The following CDH2 variants were observed in gnomAD, a reference collection of about 807,000 sequenced individuals.
CDH2 encodes cadherin-2.
Under a neutral mutation model 92.0 loss-of-function variants are expected in CDH2, and 17 were observed. The ratio of observed to expected loss-of-function variants is 0.18; its 90% CI spans 0.13 to 0.28. CDH2 has a LOEUF of 0.28. Ranked by LOEUF, CDH2 falls within the 10% of genes least tolerant of loss-of-function variation. CDH2 has a pLI of 1.00. For synonymous variants in CDH2, 419 were observed against 415.9 expected (o/e 1.01, Z -0.09); for missense variants, 862 against 1,133.1 (o/e 0.76, Z 3.44).
At chr18:28,166,529 CAAAAA>C (rs1490428126) in intron 1 of CDH2, among the ~76,000 whole-genome samples, 1 of 151,692 alleles carries the variant, frequency 6.6e-6, no homozygotes, top group Non-Finnish European at 1.5e-5. Flanking sequence ...ATCTGTCAAA[CAAAAA>C]AAGATAGAAC....
At chr18:28,049,645 A>T (rs1385532294) in intron 2 of CDH2, among the ~76,000 whole-genome samples, 1 of 152,228 alleles carries the variant, frequency 6.6e-6, no homozygotes, top group Non-Finnish European at 1.5e-5. Context: ...TCACCACTGA[A>T]TAGTATCTAT....
intron 2 of CDH2, among the ~76,000 whole-genome samples, chr18:28,103,162 T>TTA (rs977845585): frequency 2.1e-5 from 3 of 145,450 alleles, no homozygotes; most frequent in South Asian, 2.1e-4. Flanking sequence ...ATAAACTCCT[T>TTA]TATATATATA....
chr18:28,051,183 T>C lies in CDH2; in HGVS notation c.173-37274A>G, dbSNP rs142925721. On this transcript the variant is annotated intron_variant, in intron 2 of 15. Transcript: ENST00000269141. ...TATTATATTATTGTTAATATTTCTG[T>C]TACACTTTTATCAGATATATTTCCT... Among the ~76,000 whole-genome samples, 281 of 152,328 alleles carry C rather than the reference T, an allele frequency of 1.8e-3. 1 individual carries two copies. The highest frequency in any genetic ancestry group is 6.3e-3 in the African/African-American group (260 of 41,582).
At chr18:28,016,220 T>A (rs1225119284) in intron 2 of CDH2, among the ~76,000 whole-genome samples, 1 of 152,242 alleles carries the variant, frequency 6.6e-6, no homozygotes, top group African/African-American at 2.4e-5. Flanking sequence ...TAATTTCATA[T>A]GAGTGGATCT....
intron 2 of CDH2, among the ~76,000 whole-genome samples, chr18:28,048,563 G>C (rs1599061517): frequency 6.6e-6 from 1 of 152,320 alleles, no homozygotes. Context: ...TGGGCACGGA[G>C]AGACTGGCAT....
intron 14 of CDH2, among the ~76,000 whole-genome samples, chr18:27,982,561 T>G (rs1599008284): frequency 6.6e-6 from 1 of 152,230 alleles, no homozygotes; most frequent in African/African-American, 2.4e-5. Context: ...TGGTAAATAC[T>G]TGGGGAATAA....
intron 2 of CDH2, among the ~76,000 whole-genome samples, chr18:28,125,724 C>T (rs1426822032): frequency 6.6e-6 from 1 of 152,092 alleles, no homozygotes; most frequent in Non-Finnish European, 1.5e-5. Context: ...CTCATGTATG[C>T]ACCCTAACAG....
Position 28,103,690 on chromosome 18 carries a change from C to T in CDH2, c.172+43983G>A, listed in dbSNP as rs563983653. Among the ~76,000 whole-genome samples the T allele has an allele frequency of 2.0e-3, 306 of 151,804 alleles. 1 individual carries two copies. Among genetic ancestry groups the T allele is most frequent in the African/African-American group, 6.9e-3 (286 of 41,396 alleles). ...TGAGAGGCCCCAGTGTGTGATGTTC[C>T]CCTCCCTGCATACATGTGTTCTCAT... On this transcript the variant is annotated intron_variant, in intron 2 of 15. Coordinates refer to ENST00000269141, the MANE Select transcript of CDH2 (RefSeq NM_001792.5).
At chr18:28,129,910 G>C (rs763053142) in intron 2 of CDH2, among the ~76,000 whole-genome samples, 13 of 152,062 alleles carry the variant, frequency 8.5e-5, no homozygotes, top group Non-Finnish European at 1.9e-4. Context: ...AGGACATCTA[G>C]AACTACATAA....
chr18:28,088,151 A>G (rs1283111283), intron 2 of CDH2, among the ~76,000 whole-genome samples: 1 of 152,244 alleles, frequency 6.6e-6, no homozygotes, highest in Non-Finnish European at 1.5e-5. Context: ...ACTAATTTAT[A>G]ACACTACATT....
intron 1 of CDH2, among the ~76,000 whole-genome samples, chr18:28,157,094 A>G (rs976096718): frequency 1.3e-5 from 2 of 152,212 alleles, no homozygotes; most frequent in African/African-American, 4.8e-5. Flanking sequence ...GGCTAATACT[A>G]TCATTAGATA....
Position 28,069,439 on chromosome 18 carries a change from A to C in CDH2, c.173-55530T>G, listed in dbSNP as rs562884993. The stretch of plus-strand genomic sequence containing the variant: ...ACCCTCCTCATTTTGAAGTCTTTCT[A>C]TAATAGTAATCCCATGTTTTGTTTC... On this transcript the variant is annotated intron_variant, in intron 2 of 15. Coordinates refer to ENST00000269141, the MANE Select transcript of CDH2 (RefSeq NM_001792.5). 7.9e-5 allele frequency among the ~76,000 whole-genome samples: 12 copies of C among 152,294 alleles called. No homozygotes were observed. The South Asian group carries it at 2.5e-3, about 32-fold the overall frequency.
At chr18:27,957,350 G>A (rs755352210) in intron 15 of CDH2, among the ~76,000 whole-genome samples, 37 of 152,016 alleles carry the variant, frequency 2.4e-4, no homozygotes, top group South Asian at 1.0e-3. Context: ...CCTGGGCTCA[G>A]GTGATCCTCC....
At chr18:28,164,216 A>G (rs1351085708) in intron 1 of CDH2, among the ~76,000 whole-genome samples, 1 of 152,204 alleles carries the variant, frequency 6.6e-6, no homozygotes, top group East Asian at 1.9e-4. Flanking sequence ...CTAGATACAC[A>G]GGCCCTGACA....
At chr18:27,999,263 G>A (rs2012685519) in intron 7 of CDH2, among the ~76,000 whole-genome samples, 1 of 152,122 alleles carries the variant, frequency 6.6e-6, no homozygotes, top group Non-Finnish European at 1.5e-5. Context: ...TTAGGTTAAG[G>A]AGGGTTTTGG....
downstream of CDH2, among the ~76,000 whole-genome samples, chr18:27,949,732 C>T (rs534913555): frequency 1.1e-4 from 16 of 151,738 alleles, no homozygotes; most frequent in South Asian, 2.7e-3. Flanking sequence ...AGCATGGCAG[C>T]GGGTTTCCAT....
At chr18:28,043,092 T>C (rs933363954) in intron 2 of CDH2, among the ~76,000 whole-genome samples, 6 of 152,132 alleles carry the variant, frequency 3.9e-5, no homozygotes, top group African/African-American at 1.4e-4. Flanking sequence ...GTGATATATA[T>C]ATACACCATG....
chr18:27,952,458 C>T lies in CDH2; in HGVS notation c.2515-99G>A, dbSNP rs1555627247. On this transcript the variant is annotated intron_variant, in intron 15 of 15. Transcript: ENST00000269141. ...ATGAATTCACGGGATCAAACAAACA[C>T]TTGTTTGTAAATTTCCATTTACATA... 4.5e-6 allele frequency: 4 copies of T among 887,068 alleles called. 1 individual carries two copies. In the South Asian group the frequency reaches 4.6e-5, roughly 10 times the overall value. The allele number at this position is 887,068 out of a possible 1,614,324, so 54.9% of individuals were successfully genotyped here. A position where few individuals can be genotyped will look rare whatever the true frequency, so the allele number is the denominator to read the frequency against.
At chr18:27,989,700 T>A (rs1185429348) in intron 10 of CDH2, among the ~76,000 whole-genome samples, 1 of 152,160 alleles carries the variant, frequency 6.6e-6, no homozygotes, top group African/African-American at 2.4e-5. Flanking sequence ...TAGATCCTGG[T>A]TTTGGCATAA....
Sources: gnomAD v4.1 joint callset for allele counts (sites outside exome capture counted in the v4.1 genomes callset) on GRCh38, gnomAD v4.1.1 for gene constraint, MANE v1.5 for transcripts, NCBI Gene and HGNC (gene_info 2026-07-23, HGNC 2026-07-21) for gene names.